PDAP1: variants seen among roughly 807,000 people sequenced by gnomAD.
PDAP1 encodes the protein PDGFA associated protein 1, also known as 28 kDa heat- and acid-stable phosphoprotein.
A neutral mutation model predicts 28.0 loss-of-function variants in PDAP1; 13 were observed. The ratio of observed to expected loss-of-function variants is 0.46; its 90% CI spans 0.30 to 0.74. PDAP1 has a LOEUF of 0.74. Among genes scored for constraint, PDAP1 ranks in the 30% least tolerant of loss-of-function variants. The pLI, the probability that PDAP1 is intolerant of heterozygous loss-of-function variation, is 0.07. For synonymous variants in PDAP1, 77 were observed against 85.1 expected, an observed-to-expected ratio of 0.91 and a Z score of 0.52; for missense variants, 150 against 230.0, an observed-to-expected ratio of 0.65 and a Z score of 2.25.
intron 4 of PDAP1, among the ~76,000 whole-genome samples, chr7:99,399,190 A>T (rs1384297201): frequency 6.6e-6 from 1 of 152,038 alleles, no homozygotes; most frequent in Non-Finnish European, 1.5e-5. Flanking sequence ...GGAGCTAGCT[A>T]GAGGGGAGGG....
Position 99,396,524 on chromosome 7 carries a change from CA to C in PDAP1, c.*157del. ...CCAGTCCCCCCCCCCATCCCCCAAA[CA>C]ATTTCTGTGCCAAGATGAAGAGGAG... On this transcript the variant is annotated 3_prime_UTR_variant, in exon 6 of 6. Coordinates refer to ENST00000350498, the MANE Select transcript of PDAP1 (RefSeq NM_014891.7). The C allele has an allele frequency of 2.7e-6, 1 of 365,174 alleles. No individual in the cohort carries two copies. Among genetic ancestry groups the C allele is most frequent in the Non-Finnish European group, 5.6e-6 (1 of 178,174 alleles). 22.6% of individuals were successfully genotyped at this position (365,174 alleles called of 1,614,324 possible).
intron 4 of PDAP1, 78 bp from the exon 5 acceptor site, chr7:99,398,091 C>T: frequency 6.4e-7 from 1 of 1,555,278 alleles, no homozygotes. Context: ...AGAATAAAGG[C>T]CAAGGATTCG....
chr7:99,406,813 A>G (rs1451829319), intron 1 of PDAP1, among the ~76,000 whole-genome samples: 1 of 152,214 alleles, frequency 6.6e-6, no homozygotes, highest in African/African-American at 2.4e-5. Context: ...GATTCCTTAC[A>G]GCAGCTGCAA....
intron 2 of PDAP1, 75 bp from the exon 3 acceptor site, chr7:99,403,580 C>G: frequency 1.1e-6 from 1 of 942,788 alleles, no homozygotes; most frequent in East Asian, 2.4e-5. Context: ...TATCACCCCC[C>G]AGACTGTGGA....
At position 99,408,522 on chromosome 7, in the gene PDAP1, C is replaced by T. The variant is rs1562826996; in HGVS notation, c.13+14G>A. On this transcript the variant is annotated intron_variant, in intron 1 of 5. Transcript: ENST00000350498. ...CCCCTCCAGGCCTGCGGGCCACCGGCGCCCGCCCCTCACCTCCTTTAGGCA... is the reference window on the plus strand; with the variant it reads ...CCCCTCCAGGCCTGCGGGCCACCGGTGCCCGCCCCTCACCTCCTTTAGGCA... 7.6e-7 allele frequency: 1 copy of T among 1,318,488 alleles called. No individual in the cohort carries two copies. Among genetic ancestry groups the T allele is most frequent in the South Asian group, 2.0e-5 (1 of 50,086 alleles). 81.7% of individuals were successfully genotyped at this position (1,318,488 alleles called of 1,614,324 possible).
rs1030790519 is a variant in PDAP1, at chr7:99,395,776, C to A, written c.*906G>T. 2.0e-5 allele frequency: 3 copies of A among 152,344 alleles called. No individual in the cohort carries two copies. The highest frequency in any genetic ancestry group is 6.5e-5 in the Admixed American group (1 of 15,270). 9.4% of individuals were successfully genotyped at this position (152,344 alleles called of 1,614,324 possible). ...TCCCTGCCTGCTGAGGCCTAAGATC[C>A]TGACTTGGCTAAAGGAGGGGAGGGG... On this transcript the variant is annotated 3_prime_UTR_variant, in exon 6 of 6. Coordinates refer to ENST00000350498, the MANE Select transcript of PDAP1 (RefSeq NM_014891.7).
intron 2 of PDAP1, among the ~76,000 whole-genome samples, chr7:99,403,803 G>C (rs1415694739): frequency 1.3e-5 from 2 of 152,136 alleles, no homozygotes; most frequent in African/African-American, 4.8e-5. Context: ...CAGCAGCCAG[G>C]GTGAGAAGCT....
chr7:99,408,336 G>C (rs911985572), intron 1 of PDAP1, among the ~76,000 whole-genome samples, 200 bp downstream of exon 1: 2 of 152,038 alleles, frequency 1.3e-5, no homozygotes, highest in Non-Finnish European at 2.9e-5. Flanking sequence ...TCAGACCACT[G>C]ACGGAGTGAC....
intron 3 of PDAP1, among the ~76,000 whole-genome samples, chr7:99,400,995 A>C (rs1174537944): frequency 6.6e-6 from 1 of 152,162 alleles, no homozygotes; most frequent in African/African-American, 2.4e-5. Context: ...TTCCAGAAGA[A>C]GGGGGTGTGT....
At position 99,408,559 on chromosome 7, in the gene PDAP1, G is replaced by A; in HGVS notation, c.-11C>T. The stretch of plus-strand genomic sequence containing the variant: ...ACCTCCTTTAGGCATTGCGGCTCCG[G>A]CGGCTGCGGCGGCGGCGGCGGCGCC... On this transcript the variant is annotated 5_prime_UTR_variant, in exon 1 of 6. Coordinates refer to ENST00000350498, the MANE Select transcript of PDAP1 (RefSeq NM_014891.7). 3 of 1,274,434 alleles carry A rather than the reference G, an allele frequency of 2.4e-6. No individual in the cohort carries two copies. Among genetic ancestry groups the A allele is most frequent in the Non-Finnish European group, 3.0e-6 (3 of 1,008,128 alleles). The allele number at this position is 1,274,434 out of a possible 1,614,324, so 78.9% of individuals were successfully genotyped here. A position where few individuals can be genotyped will look rare whatever the true frequency, so the allele number is the denominator to read the frequency against.
chr7:99,404,832 C>A (rs779371774), intron 2 of PDAP1, 30 bp downstream of exon 2: 1 of 1,582,690 alleles, frequency 6.3e-7, no homozygotes. Context: ...CCCTGGGCCA[C>A]TGGCGTGGCC....
intron 3 of PDAP1, among the ~76,000 whole-genome samples, chr7:99,402,085 TG>T (rs370917178): frequency 1.9e-4 from 28 of 151,224 alleles, no homozygotes; most frequent in African/African-American, 6.8e-4. Context: ...CTGGCTGACA[TG>T]GTGAAACGCT....
At chr7:99,406,110 A>G (rs1794965632) in intron 1 of PDAP1, among the ~76,000 whole-genome samples, 1 of 152,126 alleles carries the variant, frequency 6.6e-6, no homozygotes, top group Non-Finnish European at 1.5e-5. Flanking sequence ...TTAGCTGGGC[A>G]TGGTGTCACA....
At chr7:99,401,822 A>C (rs552007976) in intron 3 of PDAP1, among the ~76,000 whole-genome samples, 79 of 149,246 alleles carry the variant, frequency 5.3e-4, no homozygotes, top group African/African-American at 1.9e-3. Flanking sequence ...TCAGCCTCCC[A>C]AGTAGCTGGG....
intron 5 of PDAP1, among the ~76,000 whole-genome samples, chr7:99,396,981 C>T (rs1200913427): frequency 3.3e-5 from 5 of 152,204 alleles, no homozygotes; most frequent in Non-Finnish European, 5.9e-5. Flanking sequence ...CACAAAGCCC[C>T]ACCAACACAC....
intron 1 of PDAP1, among the ~76,000 whole-genome samples, chr7:99,406,320 GCAC>G (rs1794970718): frequency 6.6e-6 from 1 of 152,008 alleles, no homozygotes; most frequent in South Asian, 2.1e-4. Context: ...AACAACAAAA[GCAC>G]CACTGAGCAC....
At chr7:99,396,834 G>C (rs527644172) in intron 5 of PDAP1, 94 bp from the exon 6 acceptor site, 2 of 965,900 alleles carry the variant, frequency 2.1e-6, no homozygotes, top group Non-Finnish European at 1.6e-6. Flanking sequence ...AGGTCTGAAA[G>C]GCTGCAGAAA....
intron 3 of PDAP1, among the ~76,000 whole-genome samples, chr7:99,402,908 A>G (rs1794904249): frequency 6.6e-6 from 1 of 151,022 alleles, no homozygotes; most frequent in South Asian, 2.1e-4. Flanking sequence ...AAAAGAAAAG[A>G]AAAGAAATGC....
At position 99,396,530 on chromosome 7, in the gene PDAP1, C is replaced by A. The variant is rs1417818093; in HGVS notation, c.*152G>T. The A allele has an allele frequency of 7.4e-6, 3 of 406,308 alleles. No homozygotes were observed. Among genetic ancestry groups the A allele is most frequent in the East Asian group, 7.0e-5 (1 of 14,212 alleles). The allele number at this position is 406,308 out of a possible 1,614,324, so 25.2% of individuals were successfully genotyped here. On this transcript the variant is annotated 3_prime_UTR_variant, in exon 6 of 6. Coordinates refer to ENST00000350498, the MANE Select transcript of PDAP1 (RefSeq NM_014891.7). ...CCCCCCCCCATCCCCCAAACAATTTCTGTGCCAAGATGAAGAGGAGGCCCC... is the reference window on the plus strand; with the variant it reads ...CCCCCCCCCATCCCCCAAACAATTTATGTGCCAAGATGAAGAGGAGGCCCC...
Sources: allele counts gnomAD v4.1 joint callset (sites outside exome capture counted in the v4.1 genomes callset), GRCh38; gene constraint gnomAD v4.1.1; transcripts MANE v1.5; gene names NCBI Gene and HGNC (gene_info 2026-07-23, HGNC 2026-07-21).